GPHN: variants seen among roughly 807,000 people sequenced by gnomAD.
GPHN encodes the protein gephyrin.
GPHN carries 17 observed loss-of-function variants against 95.5 expected under a neutral mutation model. The ratio of observed to expected loss-of-function variants is 0.18; its 90% CI spans 0.12 to 0.27. The LOEUF (loss-of-function observed/expected upper bound fraction) is 0.27, where lower values mean the gene tolerates loss of function less well. Ranked by LOEUF, GPHN falls within the 10% of genes least tolerant of loss-of-function variation. GPHN has a pLI of 1.00. For missense variants in GPHN, 660 were observed against 978.1 expected (o/e 0.67, Z 4.34); for synonymous variants, 320 against 322.5 (o/e 0.99, Z 0.08).
chr14:67,219,328 A>G, the GPHN span, among the ~76,000 whole-genome samples: 2 of 152,116 alleles, frequency 1.3e-5, no homozygotes, highest in African/African-American at 4.8e-5. Context: ...TCTAGTCCAC[A>G]TGGGTGATAT....
rs954361201 is a variant in GPHN at position 66,953,766 on chromosome 14, C to T, written c.829-11425C>T. ...AGCAGGAATTAGCCTGACACGGTGGCTCACACCTGTAATCCCAGTATTTTG... is the reference window on the plus strand; with the variant it reads ...AGCAGGAATTAGCCTGACACGGTGGTTCACACCTGTAATCCCAGTATTTTG... On this transcript the variant is annotated intron_variant, in intron 8 of 22. Transcript: ENST00000478722. Among the ~76,000 whole-genome samples the T allele has an allele frequency of 4.0e-4, 61 of 152,108 alleles. 1 individual carries two copies. The highest frequency in any genetic ancestry group is 1.6e-4 in the Non-Finnish European group (11 of 68,026).
At chr14:67,712,493 C>CAAAAAAA in the GPHN span, among the ~76,000 whole-genome samples, 376 of 38,720 alleles carry the variant, frequency 9.7e-3, 2 homozygotes, top group Non-Finnish European at 0.017. Context: ...AAAAAACTTG[C>CAAAAAAA]AAAAAAAAAA....
chr14:66,715,939 G>A (rs1157057475), intron 2 of GPHN, among the ~76,000 whole-genome samples: 1 of 151,916 alleles, frequency 6.6e-6, no homozygotes, highest in Non-Finnish European at 1.5e-5. Context: ...ATGTGCTGTT[G>A]AATAGAATGT....
the GPHN span, among the ~76,000 whole-genome samples, chr14:67,243,439 C>T: frequency 2.0e-5 from 3 of 150,680 alleles, no homozygotes; most frequent in Non-Finnish European, 2.9e-5. Context: ...CCACCCGCCT[C>T]GGCCTCCTGA....
intron 11 of GPHN, among the ~76,000 whole-genome samples, chr14:67,069,630 A>G (rs1377317325): frequency 6.6e-6 from 1 of 152,230 alleles, no homozygotes; most frequent in Non-Finnish European, 1.5e-5. Flanking sequence ...GTCTTTAATC[A>G]TGTAATCTTA....
intron 1 of GPHN, among the ~76,000 whole-genome samples, chr14:66,677,995 T>A (rs548448954): frequency 6.6e-5 from 10 of 152,162 alleles, no homozygotes; most frequent in Non-Finnish European, 1.2e-4. Flanking sequence ...TATATGTAAC[T>A]TGATGCCTTT....
the GPHN span, among the ~76,000 whole-genome samples, chr14:67,324,988 T>C: frequency 7.3e-6 from 1 of 137,614 alleles, no homozygotes; most frequent in African/African-American, 2.8e-5. Flanking sequence ...GACTGCAAGC[T>C]CCGCCTCCCA....
At chr14:67,256,855 A>T in the GPHN span, among the ~76,000 whole-genome samples, 1 of 151,526 alleles carries the variant, frequency 6.6e-6, no homozygotes, top group South Asian at 2.1e-4. Flanking sequence ...ATTTGTTTGA[A>T]TGTATACATT....
chr14:67,090,754 T>C (rs560517718), intron 12 of GPHN, among the ~76,000 whole-genome samples: 1 of 152,206 alleles, frequency 6.6e-6, no homozygotes, highest in East Asian at 1.9e-4. Context: ...GCTACAGGCA[T>C]TGAGCAAAGC....
the GPHN span, chr14:67,204,567 T>C: frequency 3.1e-6 from 5 of 1,613,468 alleles, no homozygotes; most frequent in East Asian, 1.1e-4. Context: ...TGACTCTTTC[T>C]GTGCATGATG....
the GPHN span, among the ~76,000 whole-genome samples, chr14:67,413,092 A>T: frequency 6.6e-6 from 1 of 152,026 alleles, no homozygotes. Flanking sequence ...TGCATTTTTT[A>T]AAATCAAAAT....
At chr14:67,198,376 A>C in the GPHN span, 13 of 1,499,122 alleles carry the variant, frequency 8.7e-6, no homozygotes, top group Non-Finnish European at 1.2e-5. Context: ...ATTTTCTCAA[A>C]GAAAACTGAA....
intron 3 of GPHN, among the ~76,000 whole-genome samples, chr14:66,801,826 C>T (rs1185339407): frequency 1.3e-5 from 2 of 151,476 alleles, no homozygotes; most frequent in African/African-American, 2.4e-5. Context: ...CCCTCTCCCT[C>T]TCCCTCCTTG....
At chr14:67,528,171 G>A in the GPHN span, among the ~76,000 whole-genome samples, 2 of 152,196 alleles carry the variant, frequency 1.3e-5, no homozygotes, top group African/African-American at 4.8e-5. Flanking sequence ...GTCTTCTGCT[G>A]AGGAGATAAT....
intron 2 of GPHN, among the ~76,000 whole-genome samples, chr14:66,765,743 A>G (rs1472582071): frequency 6.6e-6 from 1 of 152,124 alleles, no homozygotes; most frequent in Non-Finnish European, 1.5e-5. Flanking sequence ...AAACCTGCAC[A>G]TGTACTACTG....
intron 9 of GPHN, among the ~76,000 whole-genome samples, chr14:66,986,870 G>A (rs2071060924): frequency 6.6e-6 from 1 of 152,092 alleles, no homozygotes. Flanking sequence ...TGCCTCTTCT[G>A]CCTTCTTAGC....
chr14:67,569,276 G>C, the GPHN span: 10 of 1,259,530 alleles, frequency 7.9e-6, no homozygotes, highest in African/African-American at 8.8e-5. Flanking sequence ...GTGGGCAAGC[G>C]GGGAGGAGAA....
the GPHN span, chr14:67,557,119 T>C: frequency 1.2e-5 from 7 of 607,618 alleles, no homozygotes; most frequent in Middle Eastern, 6.7e-4. Flanking sequence ...TGGAACTTAA[T>C]TGAATTAATT....
At chr14:66,676,102 G>A (rs8013315) in intron 1 of GPHN, among the ~76,000 whole-genome samples, 1 of 151,710 alleles carries the variant, frequency 6.6e-6, no homozygotes, top group African/African-American at 2.4e-5. Flanking sequence ...TTCTAGTTTA[G>A]TCATCATCTG....
Sources: allele counts gnomAD v4.1 joint callset (sites outside exome capture counted in the v4.1 genomes callset), GRCh38; gene constraint gnomAD v4.1.1; transcripts MANE v1.5; gene names NCBI Gene and HGNC (gene_info 2026-07-23, HGNC 2026-07-21).